The following TAFA5 variants were observed in gnomAD, a reference collection of about 807,000 sequenced individuals.
TAFA5 encodes TAFA chemokine like family member 5.
In TAFA5, 6 loss-of-function variants were observed where a neutral mutation model predicts 15.3. That is an observed-to-expected ratio of 0.39 (90% CI 0.21 to 0.77). The LOEUF (loss-of-function observed/expected upper bound fraction) is 0.77, where lower values mean the gene tolerates loss of function less well. Ranked by LOEUF, TAFA5 falls within the 30% of genes least tolerant of loss-of-function variation. The pLI, the probability that TAFA5 is intolerant of heterozygous loss-of-function variation, is 0.41. For missense variants in TAFA5, 161 were observed against 193.1 expected (o/e 0.83, Z 0.98); for synonymous variants, 103 against 80.7 (o/e 1.28, Z -1.48).
At chr22:48,495,670 C>CTCTCTCT in intron 1 of TAFA5, among the ~76,000 whole-genome samples, 1 of 152,210 alleles carries the variant, frequency 6.6e-6, no homozygotes, top group Non-Finnish European at 1.5e-5. Flanking sequence ...TCTGGGCTGC[C>CTCTCTCT]GTCACTTGAG....
At chr22:48,515,696 C>A (rs1015624907) in intron 1 of TAFA5, among the ~76,000 whole-genome samples, 1 of 152,194 alleles carries the variant, frequency 6.6e-6, no homozygotes, top group African/African-American at 2.4e-5. Context: ...CCAATGCAAG[C>A]GGGAGGCCCC....
At chr22:48,522,096 T>C (rs976637566) in intron 1 of TAFA5, among the ~76,000 whole-genome samples, 3 of 152,214 alleles carry the variant, frequency 2.0e-5, no homozygotes, top group Non-Finnish European at 4.4e-5. Flanking sequence ...GTGACCAGCA[T>C]TGGCTTAAAC....
intron 1 of TAFA5, among the ~76,000 whole-genome samples, chr22:48,533,691 G>T (rs1047894795): frequency 1.3e-5 from 2 of 152,202 alleles, no homozygotes; most frequent in Non-Finnish European, 1.5e-5. Context: ...GCCACCCTCT[G>T]GGCATCTTGG....
At chr22:48,630,546 G>A (rs1209036855) in intron 1 of TAFA5, among the ~76,000 whole-genome samples, 1 of 152,212 alleles carries the variant, frequency 6.6e-6, no homozygotes, top group African/African-American at 2.4e-5. Flanking sequence ...CAGGGCAGGT[G>A]GCCACGCCTT....
Position 48,489,634 on chromosome 22 carries a change from C to A in TAFA5, c.42C>A (p.Thr14=). ...GGACCGGCAGCCGGCAAGATGCGAC[C>A]GCCCTGCCCAGCATGTCCTCAACTT... ...SPRTGSRQDA[T]ALPSMSSTFW... The change falls in exon 1 of 4, where the codon ACC becomes ACA. Residue 14 remains threonine, a synonymous_variant. Transcript: ENST00000402357. This position sits in a 1 kb window ranked among gnomAD's most constrained non-coding sequence, Gnocchi z 5.5. The A allele has an allele frequency of 1.3e-6, 2 of 1,518,382 alleles. No homozygotes were observed. Among genetic ancestry groups the A allele is most frequent in the East Asian group, 2.8e-5 (1 of 35,636 alleles). 94.1% of individuals were successfully genotyped at this position (1,518,382 alleles called of 1,614,324 possible).
At position 48,750,154 on chromosome 22, in the gene TAFA5, AGAGGAG is replaced by A. The variant is rs995709166; in HGVS notation, c.*321_*326del. On this transcript the variant is annotated 3_prime_UTR_variant, in exon 4 of 4. Coordinates refer to ENST00000402357, the MANE Select transcript of TAFA5 (RefSeq NM_001082967.3). ...CCGTGGCGTTGGCCCTGCTGTCCTC[AGAGGAG>A]GAGGAGGAGGAGGCAGCTCCGGCAG... 7 of 452,640 alleles carry A rather than the reference AGAGGAG, an allele frequency of 1.5e-5. No individual in the cohort carries two copies. In the Admixed American group the frequency reaches 1.9e-4, roughly 13 times the overall value. The allele number at this position is 452,640 out of a possible 1,614,324, so 28.0% of individuals were successfully genotyped here.
rs142605240 is a variant in TAFA5 at position 48,630,892 on chromosome 22, G to A, written c.113-15705G>A. 2.7e-3 allele frequency among the ~76,000 whole-genome samples: 408 copies of A among 152,274 alleles called. 2 individuals are homozygous for A. Among genetic ancestry groups the A allele is most frequent in the South Asian group, 0.019 (93 of 4,828 alleles). ...TCTGCCCCCTATACCCAGATACCCA[G>A]TGTCCCAGGGGCACCTGCATGGGGG... is the stretch of plus-strand genomic sequence containing the variant. On this transcript the variant is annotated intron_variant, in intron 1 of 3. Coordinates refer to ENST00000402357, the MANE Select transcript of TAFA5 (RefSeq NM_001082967.3).
At chr22:48,705,286 C>T (rs540591801) in intron 2 of TAFA5, among the ~76,000 whole-genome samples, 21 of 152,256 alleles carry the variant, frequency 1.4e-4, no homozygotes, top group African/African-American at 4.1e-4. Flanking sequence ...CACCCCACAG[C>T]GTCCTCTGCC....
At chr22:48,646,497 T>G in intron 1 of TAFA5, 100 bp from the exon 2 acceptor site, 1 of 1,456,874 alleles carries the variant, frequency 6.9e-7, no homozygotes, top group Non-Finnish European at 9.3e-7. Context: ...CCCTGTGGCC[T>G]GGCTGCTGGG....
intron 1 of TAFA5, among the ~76,000 whole-genome samples, chr22:48,512,933 A>T (rs552888358): frequency 0.033 from 4,913 of 149,178 alleles, 146 homozygotes; most frequent in Middle Eastern, 0.08. Context: ...AAAAAAAAAA[A>T]AAAAAAAAAA....
intron 1 of TAFA5, among the ~76,000 whole-genome samples, chr22:48,511,420 C>T (rs548022460): frequency 1.3e-4 from 20 of 152,170 alleles, no homozygotes; most frequent in Non-Finnish European, 2.6e-4. Flanking sequence ...CAGGGAGAAG[C>T]GTGATGTGGC....
chr22:48,622,570 T>G (rs1269460289), intron 1 of TAFA5, among the ~76,000 whole-genome samples: 1 of 152,124 alleles, frequency 6.6e-6, no homozygotes, highest in African/African-American at 2.4e-5. Flanking sequence ...GGAGGGGATC[T>G]CAGCTGGCCG....
At chr22:48,584,451 G>A (rs952589949) in intron 1 of TAFA5, among the ~76,000 whole-genome samples, 2 of 130,464 alleles carry the variant, frequency 1.5e-5, no homozygotes, top group Admixed American at 7.8e-5. Context: ...CACCACACAC[G>A]TACACACCAC....
At chr22:48,532,910 T>C (rs1219823736) in intron 1 of TAFA5, among the ~76,000 whole-genome samples, 2 of 152,202 alleles carry the variant, frequency 1.3e-5, no homozygotes. Context: ...ATCTTCTCCA[T>C]GTCCAGGGTG....
chr22:48,648,323 T>C (rs1427209736), intron 2 of TAFA5, among the ~76,000 whole-genome samples: 1 of 152,116 alleles, frequency 6.6e-6, no homozygotes, highest in African/African-American at 2.4e-5. Flanking sequence ...CCACTCCCCC[T>C]GTGGGGGCTC....
At chr22:48,577,570 C>T (rs982744302) in intron 1 of TAFA5, among the ~76,000 whole-genome samples, 1 of 152,202 alleles carries the variant, frequency 6.6e-6, no homozygotes, top group African/African-American at 2.4e-5. Flanking sequence ...TGGTAAGGCG[C>T]TGGGTTCTCA....
intron 2 of TAFA5, among the ~76,000 whole-genome samples, chr22:48,662,778 A>C (rs547419629): frequency 6.6e-6 from 1 of 152,276 alleles, no homozygotes; most frequent in East Asian, 1.9e-4. Context: ...AGCTGAGGAC[A>C]CAGGGCCCTA....
chr22:48,707,026 G>A (rs952585504), intron 2 of TAFA5, among the ~76,000 whole-genome samples: 2 of 152,210 alleles, frequency 1.3e-5, no homozygotes, highest in Non-Finnish European at 2.9e-5. Flanking sequence ...TGGGGAGCCA[G>A]TGCCCCCATC....
chr22:48,504,758 T>A (rs1469269077), intron 1 of TAFA5, among the ~76,000 whole-genome samples: 1 of 152,166 alleles, frequency 6.6e-6, no homozygotes, highest in Non-Finnish European at 1.5e-5. Context: ...TCAGAGCAAG[T>A]GGCTTTTCCT....
Sources: allele counts gnomAD v4.1 joint callset (sites outside exome capture counted in the v4.1 genomes callset), GRCh38; gene constraint gnomAD v4.1.1; non-coding constraint Gnocchi (gnomAD v3.1); transcripts MANE v1.5; gene names NCBI Gene and HGNC (gene_info 2026-07-23, HGNC 2026-07-21).